Variants in PON1 observed in about 807,000 individuals in gnomAD.
The protein encoded by PON1 is paraoxonase 1, also known as serum paraoxonase/arylesterase 1.
In PON1, 37 loss-of-function variants were observed where a neutral mutation model predicts 39.2. That is an observed-to-expected ratio of 0.94 (90% CI 0.73 to 1.24). The LOEUF (loss-of-function observed/expected upper bound fraction) is 1.24. PON1 is among the 50% of genes most tolerant of loss of function. PON1 has a pLI of 0.00. For synonymous variants in PON1, 148 were observed against 152.2 expected (o/e 0.97, Z 0.21); for missense variants, 397 against 413.5 (o/e 0.96, Z 0.35).
intron 5 of PON1, among the ~76,000 whole-genome samples, chr7:95,309,212 G>T (rs557944214): frequency 5.3e-5 from 8 of 151,990 alleles, no homozygotes; most frequent in Non-Finnish European, 7.4e-5. Context: ...TTAATTTGTG[G>T]AGTTGCAGTG....
chr7:95,315,322 C>A lies in PON1; in HGVS notation c.370G>T (p.Asp124Tyr). 6.2e-7 allele frequency: 1 copy of A among 1,611,308 alleles called. No individual in the cohort carries two copies. The highest frequency in any genetic ancestry group is 8.5e-7 in the Non-Finnish European group (1 of 1,177,968). The change falls in exon 4 of 9, where the codon GAT (aspartate) becomes TAT (tyrosine). Residue 124 changes from aspartate to tyrosine, a missense_variant and splice_region_variant. Transcript: ENST00000222381. ...PHGISTFTDE[D>Y]NAMYLLVVNH... is the part of the protein sequence containing the mutation. ...TTTAATAAATAGTAAATATTGTTAC[C>A]TTCATCTGTGAATGTGCTAATCCCA...
chr7:95,324,338 G>C, intron 1 of PON1, 64 bp downstream of exon 1: 1 of 1,500,404 alleles, frequency 6.7e-7, no homozygotes, highest in Non-Finnish European at 9.3e-7. Flanking sequence ...CTTTCTGGGG[G>C]CTCGTGGAGC....
intron 1 of PON1, among the ~76,000 whole-genome samples, chr7:95,318,857 G>A (rs1267717787): frequency 1.3e-5 from 2 of 152,144 alleles, no homozygotes; most frequent in African/African-American, 4.8e-5. Context: ...ATACAGGTAC[G>A]TTGAAAGGAT....
intron 7 of PON1, among the ~76,000 whole-genome samples, chr7:95,304,372 G>T (rs1174051441): frequency 9.4e-6 from 1 of 106,280 alleles, no homozygotes; most frequent in Admixed American, 1.3e-4. Flanking sequence ...TGCTCTTGTT[G>T]CCCAGACTGG....
At chr7:95,302,184 T>G (rs767776928) in intron 8 of PON1, 21 bp downstream of exon 8, 1 of 1,587,558 alleles carries the variant, frequency 6.3e-7, no homozygotes, top group Non-Finnish European at 8.6e-7. Context: ...GTCACTTATC[T>G]GGTTCATTTT....
Position 95,324,418 on chromosome 7 carries a change from G to A in PON1, c.58C>T (p.His20Tyr). 4 of 1,614,180 alleles carry A rather than the reference G, an allele frequency of 2.5e-6. No homozygotes were observed. Among genetic ancestry groups the A allele is most frequent in the Non-Finnish European group, 3.4e-6 (4 of 1,180,012 alleles). Residue 20 changes from histidine (H) to tyrosine (Y), a missense_variant, in exon 1 of 9, where the codon CAC becomes TAC. Physicochemically the swap from His to Tyr is moderately conservative, Grantham distance 83. Transcript: ENST00000222381. ...CCAACTTACTGGTAAGAAGACTGGTGGTTCCTGAAGAGTGCCAGTCCCATC... is the reference window on the plus strand; with the variant it reads ...CCAACTTACTGGTAAGAAGACTGGTAGTTCCTGAAGAGTGCCAGTCCCATC... Reference protein sequence around the residue: ...LGMGLALFRNHQSSYQTRLNA... With the variant: ...LGMGLALFRNYQSSYQTRLNA...
intron 3 of PON1, 113 bp downstream of exon 3, chr7:95,316,621 T>G: frequency 1.1e-6 from 1 of 887,394 alleles, no homozygotes; most frequent in Non-Finnish European, 1.9e-6. Flanking sequence ...AAACCATGAC[T>G]GTTCATTTTA....
chr7:95,312,332 T>A, intron 4 of PON1, among the ~76,000 whole-genome samples: 1 of 152,184 alleles, frequency 6.6e-6, no homozygotes. Context: ...TAGCTGGGAT[T>A]ACAGGTGCCC....
intron 1 of PON1, 40 bp from the exon 2 acceptor site, chr7:95,318,433 C>T (rs371436457): frequency 6.5e-7 from 1 of 1,531,040 alleles, no homozygotes; most frequent in African/African-American, 1.4e-5. Flanking sequence ...CAAAACTATT[C>T]AGAAATTATA....
At chr7:95,305,116 A>G (rs946509223) in intron 7 of PON1, among the ~76,000 whole-genome samples, 3 of 152,164 alleles carry the variant, frequency 2.0e-5, no homozygotes, top group Non-Finnish European at 4.4e-5. Flanking sequence ...GTTACATTTG[A>G]TGTTGCTTTA....
chr7:95,297,995 G>T lies in PON1; in HGVS notation c.*949C>A, dbSNP rs1807311680. On this transcript the variant is annotated 3_prime_UTR_variant, in exon 9 of 9. Coordinates refer to ENST00000222381, the MANE Select transcript of PON1 (RefSeq NM_000446.7). ...CATGTCTCAGTAGATAGCCAAAGGG[G>T]TTGTTGATCTTTTCTATTTATTTGT... is the stretch of plus-strand genomic sequence containing the variant. The T allele has an allele frequency of 6.6e-6, 1 of 151,884 alleles. No individual in the cohort carries two copies. Among genetic ancestry groups the T allele is most frequent in the Non-Finnish European group, 1.5e-5 (1 of 68,000 alleles). The allele number at this position is 151,884 out of a possible 1,614,324, so 9.4% of individuals were successfully genotyped here.
chr7:95,319,985 C>G (rs1807859514), intron 1 of PON1, among the ~76,000 whole-genome samples: 1 of 152,072 alleles, frequency 6.6e-6, no homozygotes, highest in Non-Finnish European at 1.5e-5. Context: ...TGTTACCCAC[C>G]ATTTGAAAAA....
In PON1 at chr7:95,324,515, G is replaced by A. The variant is rs761603578; in HGVS notation, c.-40C>T. 19 of 1,584,936 alleles carry A rather than the reference G, an allele frequency of 1.2e-5. No individual in the cohort carries two copies. Among genetic ancestry groups the A allele is most frequent in the Non-Finnish European group, 1.6e-5 (19 of 1,155,634 alleles). On this transcript the variant is annotated 5_prime_UTR_variant, in exon 1 of 9. Transcript: ENST00000222381. Reference sequence around the variant, plus strand: ...AAAGGGATCGATGGGCGCAGACACCGACGGGCTAGGAGGCTCTGCCTGCCT... The same window carrying A: ...AAAGGGATCGATGGGCGCAGACACCAACGGGCTAGGAGGCTCTGCCTGCCT...
At chr7:95,306,478 A>G (rs1807543762) in intron 6 of PON1, 112 bp from the exon 7 acceptor site, 2 of 814,776 alleles carry the variant, frequency 2.5e-6, no homozygotes, top group Non-Finnish European at 2.1e-6. Context: ...GGAATGGAAA[A>G]TGGAACCCAC....
Position 95,308,022 on chromosome 7 carries a change from T to A in PON1, c.687A>T (p.Ser229=), listed in dbSNP as rs1193283664. 1 of 1,613,914 alleles carries A rather than the reference T, an allele frequency of 6.2e-7. No individual in the cohort carries two copies. The highest frequency in any genetic ancestry group is 8.5e-7 in the Non-Finnish European group (1 of 1,179,828). The part of the protein sequence containing the change: ...GFDFANGINI[S]PDGKYVYIAE... ...GAGAGTTCACATACTTGCCATCGGG[T>A]GAAATGTTGATTCCATTAGCAAAAT... The change falls in exon 6 of 9, where the codon TCA becomes TCT. Residue 229 remains serine (S), a synonymous_variant. Coordinates refer to ENST00000222381, the MANE Select transcript of PON1 (RefSeq NM_000446.7).
chr7:95,313,271 G>C (rs1807693755), intron 4 of PON1, among the ~76,000 whole-genome samples: 1 of 152,204 alleles, frequency 6.6e-6, no homozygotes, highest in Admixed American at 6.5e-5. Context: ...AAATACATGT[G>C]CGAGAAAGTT....
chr7:95,315,288 G>T, intron 4 of PON1, 34 bp downstream of exon 4: 1 of 1,566,402 alleles, frequency 6.4e-7, no homozygotes, highest in South Asian at 1.1e-5. Flanking sequence ...TTTTAAGTTT[G>T]GTTTTGGTTT....
chr7:95,302,327 C>G lies in PON1; in HGVS notation c.787G>C (p.Asp263His), dbSNP rs1807453526. ...ATGTTATCCACGAGGGTATTAAAGT[C>G]AAGGGACTTAAAAGATTAAAAACAA... ...NWTLTPLKSL[D>H]FNTLVDNISV... Residue 263 changes from aspartate (D) to histidine (H), a missense_variant, in exon 8 of 9, where the codon GAC (aspartate) becomes CAC (histidine). Coordinates refer to ENST00000222381, the MANE Select transcript of PON1 (RefSeq NM_000446.7). The G allele has an allele frequency of 6.2e-7, 1 of 1,607,282 alleles. No individual in the cohort carries two copies. The highest frequency in any genetic ancestry group is 1.1e-5 in the South Asian group (1 of 90,948).
At position 95,307,872 on chromosome 7, in the gene PON1, A is replaced by G. The variant is rs1807573454; in HGVS notation, c.698+139T>C. ...ATAAATTTCACCCCCTGAAAAATTAAGACATTTTACATTTTTCCTAATTTT... is the reference window on the plus strand; with the variant it reads ...ATAAATTTCACCCCCTGAAAAATTAGGACATTTTACATTTTTCCTAATTTT... On this transcript the variant is annotated intron_variant, in intron 6 of 8. Transcript: ENST00000222381. 8.9e-6 allele frequency: 8 copies of G among 893,874 alleles called. No individual in the cohort carries two copies. The East Asian group carries it at 2.1e-4, about 24-fold the overall frequency. The allele number at this position is 893,874 out of a possible 1,614,324, so 55.4% of individuals were successfully genotyped here.
Sources: allele counts gnomAD v4.1 joint callset (sites outside exome capture counted in the v4.1 genomes callset), GRCh38; gene constraint gnomAD v4.1.1; transcripts MANE v1.5; gene names NCBI Gene and HGNC (gene_info 2026-07-23, HGNC 2026-07-21).